Variants in DLG2 observed in about 807,000 individuals in gnomAD.
The protein encoded by DLG2 is disks large homolog 2.
In DLG2, 45 loss-of-function variants were observed where a neutral mutation model predicts 132.5. The ratio of observed to expected loss-of-function variants is 0.34; its 90% CI spans 0.27 to 0.44. DLG2 has a LOEUF of 0.44. Ranked by LOEUF, DLG2 falls within the 20% of genes least tolerant of loss-of-function variation. DLG2 has a pLI of 1.00. For synonymous variants in DLG2, 424 were observed against 419.6 expected (o/e 1.01, Z -0.13); for missense variants, 1,045 against 1,196.9 (o/e 0.87, Z 1.87).
chr11:83,519,128 A>G (rs533478031), intron 21 of DLG2, among the ~76,000 whole-genome samples: 22 of 152,282 alleles, frequency 1.4e-4, no homozygotes, highest in Non-Finnish European at 2.9e-4. Flanking sequence ...TCTCAGTACT[A>G]GGGGCTGGGT....
intron 16 of DLG2, among the ~76,000 whole-genome samples, chr11:83,847,542 T>C (rs951645363): frequency 6.6e-6 from 1 of 152,182 alleles, no homozygotes; most frequent in Admixed American, 6.5e-5. Flanking sequence ...CATATTATTG[T>C]AGAAAAAACT....
chr11:83,491,135 GTTTTTTTTCTGTTTTT>G (rs2093818332), intron 21 of DLG2, among the ~76,000 whole-genome samples: 1 of 144,658 alleles, frequency 6.9e-6, no homozygotes, highest in African/African-American at 2.6e-5. Context: ...CCTTTTTATA[GTTTTTTTTCTGTTTTT>G]TTTTTTTTGT....
chr11:84,283,495 G>GT (rs2097875123), intron 7 of DLG2, among the ~76,000 whole-genome samples: 2 of 152,214 alleles, frequency 1.3e-5, no homozygotes, highest in Admixed American at 6.5e-5. Context: ...TATTTAACAA[G>GT]TAAGAATTAA....
chr11:84,546,667 C>A, intron 6 of DLG2: 1 of 532,272 alleles, frequency 1.9e-6, no homozygotes, highest in Non-Finnish European at 3.6e-6. Flanking sequence ...GCATATGTGA[C>A]AAACCCAAAG....
chr11:85,039,229 C>A (rs759303403), intron 6 of DLG2, among the ~76,000 whole-genome samples: 1 of 151,958 alleles, frequency 6.6e-6, no homozygotes, highest in East Asian at 1.9e-4. Context: ...TCCTACTCCC[C>A]CTCCAACTTT....
chr11:84,902,893 T>C (rs1247647331), intron 6 of DLG2, among the ~76,000 whole-genome samples: 1 of 152,222 alleles, frequency 6.6e-6, no homozygotes, highest in Non-Finnish European at 1.5e-5. Context: ...GTAACTCACA[T>C]AATAGCTCAC....
At chr11:85,468,814 G>A (rs777234877) in intron 3 of DLG2, among the ~76,000 whole-genome samples, 3 of 152,138 alleles carry the variant, frequency 2.0e-5, no homozygotes, top group Non-Finnish European at 4.4e-5. Flanking sequence ...GAGTTCTGTA[G>A]ATGTCTAATT....
chr11:84,370,789 TA>T (rs1270842085), intron 7 of DLG2, among the ~76,000 whole-genome samples: 3 of 152,090 alleles, frequency 2.0e-5, no homozygotes, highest in Non-Finnish European at 4.4e-5. Flanking sequence ...ACTGAAAGTA[TA>T]GGGAGTAGGT....
intron 6 of DLG2, among the ~76,000 whole-genome samples, chr11:84,992,313 G>C (rs1042921014): frequency 5.3e-5 from 8 of 152,150 alleles, no homozygotes; most frequent in Admixed American, 4.6e-4. Flanking sequence ...TCCTCCATTA[G>C]ACCATAAGCT....
rs117975229 is a variant in DLG2 at position 84,837,841 on chromosome 11, G to T, written c.357+273820C>A. Among the ~76,000 whole-genome samples the T allele has an allele frequency of 7.7e-4, 117 of 151,864 alleles. 2 individuals carry two copies. The East Asian group carries it at 0.021, about 27-fold the overall frequency. On this transcript the variant is annotated intron_variant, in intron 6 of 27. Transcript: ENST00000376104. ...CACTCTTGCTGATGCATATGGATTA[G>T]GTTCTCAAAGTGTGGTTTGCCAGAC...
chr11:84,731,804 T>C (rs2153812325), intron 6 of DLG2, among the ~76,000 whole-genome samples: 1 of 152,190 alleles, frequency 6.6e-6, no homozygotes, highest in East Asian at 1.9e-4. Flanking sequence ...AAACTGGAAA[T>C]ATTTACATTT....
rs77549264 is a variant in DLG2 at position 84,285,637 on chromosome 11, T to C, written c.520-34346A>G. On this transcript the variant is annotated intron_variant, in intron 7 of 27. Transcript: ENST00000376104. Reference sequence around the variant, plus strand: ...CCTTCTTCCAGATGTGAAAATTAAATAGGTCTCCAGACATGACCTAATGCC... The same window carrying C: ...CCTTCTTCCAGATGTGAAAATTAAACAGGTCTCCAGACATGACCTAATGCC... 8.7e-3 allele frequency among the ~76,000 whole-genome samples: 1,330 copies of C among 152,258 alleles called. 16 individuals are homozygous for C. Among genetic ancestry groups the C allele is most frequent in the African/African-American group, 0.029 (1,197 of 41,552 alleles).
chr11:85,006,776 G>A (rs1010860512), intron 6 of DLG2, among the ~76,000 whole-genome samples: 11 of 152,036 alleles, frequency 7.2e-5, no homozygotes, highest in African/African-American at 2.4e-4. Flanking sequence ...GCTAGCTTTT[G>A]AGTTTGTTTA....
chr11:85,235,179 G>T (rs2032410), intron 4 of DLG2, among the ~76,000 whole-genome samples: 12,638 of 152,030 alleles, frequency 0.083, 653 homozygotes, highest in African/African-American at 0.14. Context: ...AAAATACTAT[G>T]AAGTCATTAG....
intron 7 of DLG2, among the ~76,000 whole-genome samples, chr11:84,350,478 G>A (rs2098558698): frequency 6.6e-6 from 1 of 152,108 alleles, no homozygotes; most frequent in African/African-American, 2.4e-5. Context: ...AGGACATATT[G>A]AGAACCTACA....
intron 5 of DLG2, among the ~76,000 whole-genome samples, chr11:85,143,488 T>C (rs1307574002): frequency 6.6e-6 from 1 of 151,696 alleles, no homozygotes; most frequent in Non-Finnish European, 1.5e-5. Flanking sequence ...TTGTTTTGCT[T>C]TTGCTTTTCT....
At chr11:84,635,816 G>C (rs528778579) in intron 6 of DLG2, among the ~76,000 whole-genome samples, 1 of 151,246 alleles carries the variant, frequency 6.6e-6, no homozygotes, top group African/African-American at 2.4e-5. Flanking sequence ...AAGTGGTATG[G>C]CCAGGATTTG....
chr11:83,998,167 A>G (rs564285916), intron 11 of DLG2, among the ~76,000 whole-genome samples: 1 of 152,218 alleles, frequency 6.6e-6, no homozygotes, highest in Non-Finnish European at 1.5e-5. Flanking sequence ...AAAGGAATAC[A>G]ATTAAAGTGG....
chr11:84,600,204 GAA>G lies in DLG2; in HGVS notation c.358-65475_358-65474del, dbSNP rs1197993490. ...AGAAAGAAAGAAAGAAAGAAAGAAA[GAA>G]AGAAAGAAAGAAAGAAAGAGAAAGA... On this transcript the variant is annotated intron_variant, in intron 6 of 27. Coordinates refer to ENST00000376104, the MANE Select transcript of DLG2 (RefSeq NM_001142699.3). Among the ~76,000 whole-genome samples the G allele has an allele frequency of 4.2e-4, 57 of 137,060 alleles. 1 individual carries two copies. Among genetic ancestry groups the G allele is most frequent in the African/African-American group, 9.1e-4 (29 of 31,774 alleles). 89.9% of individuals were successfully genotyped at this position (137,060 alleles called of 152,430 possible). A position where few individuals can be genotyped will look rare whatever the true frequency, so the allele number is the denominator to read the frequency against.
Sources: gnomAD v4.1 joint callset for allele counts (sites outside exome capture counted in the v4.1 genomes callset) on GRCh38, gnomAD v4.1.1 for gene constraint, MANE v1.5 for transcripts, NCBI Gene and HGNC (gene_info 2026-07-23, HGNC 2026-07-21) for gene names.